Variants in TMEM132C observed in about 807,000 individuals in gnomAD.
TMEM132C encodes protein phosphatase 1, regulatory subunit 152.
Under a neutral mutation model 61.4 loss-of-function variants are expected in TMEM132C, and 29 were observed. The observed-to-expected ratio is 0.47, with a 90% CI of 0.35 to 0.64. TMEM132C has a LOEUF of 0.64. Among genes scored for constraint, TMEM132C ranks in the 30% least tolerant of loss-of-function variants. The probability of loss-of-function intolerance (pLI) is 0.00; values close to 1 mark genes in which losing one functional copy is unlikely to be tolerated. For missense variants in TMEM132C, 1,408 were observed against 1,476.9 expected, an observed-to-expected ratio of 0.95 and a Z score of 0.76; for synonymous variants, 656 against 633.1, an observed-to-expected ratio of 1.04 and a Z score of -0.54.
chr12:128,527,162 G>A (rs906768125), intron 2 of TMEM132C, among the ~76,000 whole-genome samples: 1 of 152,146 alleles, frequency 6.6e-6, no homozygotes, highest in Non-Finnish European at 1.5e-5. Context: ...TGCAAGAATT[G>A]GAAAGCAACC....
intron 1 of TMEM132C, among the ~76,000 whole-genome samples, chr12:128,411,613 G>A (rs562499499): frequency 3.9e-5 from 6 of 152,156 alleles, no homozygotes; most frequent in African/African-American, 1.4e-4. Flanking sequence ...TCTTGTACTA[G>A]GAATGAGACA....
intron 3 of TMEM132C, among the ~76,000 whole-genome samples, chr12:128,583,718 G>A (rs1311441324): frequency 6.6e-6 from 1 of 152,184 alleles, no homozygotes; most frequent in African/African-American, 2.4e-5. Context: ...CCCCCAGATG[G>A]AGGCCCAGTG....
At chr12:128,294,025 G>GA (rs752317749) in intron 1 of TMEM132C, 2 of 154,700 alleles carry the variant, frequency 1.3e-5, no homozygotes, top group African/African-American at 2.4e-5. Context: ...GGGGGAATCA[G>GA]AATGGAATAA....
At chr12:128,358,668 G>T (rs1380233247) in intron 1 of TMEM132C, among the ~76,000 whole-genome samples, 1 of 152,070 alleles carries the variant, frequency 6.6e-6, no homozygotes, top group African/African-American at 2.4e-5. Context: ...TATGCCTTAA[G>T]GTGAGACCTT....
At chr12:128,333,468 G>A (rs1169002427) in intron 1 of TMEM132C, among the ~76,000 whole-genome samples, 1 of 151,530 alleles carries the variant, frequency 6.6e-6, no homozygotes, top group Non-Finnish European at 1.5e-5. Flanking sequence ...GCTTGTATTT[G>A]AGAGTGGTGT....
At chr12:128,551,924 C>T (rs1874188560) in intron 3 of TMEM132C, among the ~76,000 whole-genome samples, 1 of 152,198 alleles carries the variant, frequency 6.6e-6, no homozygotes, top group Non-Finnish European at 1.5e-5. Flanking sequence ...ATAAAGGTTT[C>T]TGCCTCAAGC....
rs1363726356 is a variant in TMEM132C at position 128,595,989 on chromosome 12, A to T, written c.1122-20163A>T. On this transcript the variant is annotated intron_variant, in intron 3 of 8. Coordinates refer to ENST00000435159, the MANE Select transcript of TMEM132C (RefSeq NM_001136103.3). Reference sequence around the variant, plus strand: ...TGCGGGGAAGCTCTGCAGTGAGAACATCCACTCTATCAGGGCCAGCCGCCC... The same window carrying T: ...TGCGGGGAAGCTCTGCAGTGAGAACTTCCACTCTATCAGGGCCAGCCGCCC... Among the ~76,000 whole-genome samples the T allele has an allele frequency of 3.3e-5, 5 of 152,338 alleles. 1 individual carries two copies. The highest frequency in any genetic ancestry group is 4.4e-5 in the Non-Finnish European group (3 of 68,044).
At position 128,616,145 on chromosome 12, in the gene TMEM132C, C is replaced by T. The variant is rs1876791164; in HGVS notation, c.1122-7C>T. The T allele has an allele frequency of 6.4e-7, 1 of 1,550,398 alleles. No homozygotes were observed. Among genetic ancestry groups the T allele is most frequent in the Non-Finnish European group, 8.7e-7 (1 of 1,146,210 alleles). Reference sequence around the variant, plus strand: ...GGCTTAAAGCCAGTTTCTTTTCTCTCTTCCAGGAGCAGCAGTTTATTCAAT... The same window carrying T: ...GGCTTAAAGCCAGTTTCTTTTCTCTTTTCCAGGAGCAGCAGTTTATTCAAT... On this transcript the variant is annotated splice_region_variant and splice_polypyrimidine_tract_variant and intron_variant, in intron 3 of 8. Transcript: ENST00000435159.
chr12:128,446,864 G>T (rs965387301), intron 2 of TMEM132C, among the ~76,000 whole-genome samples: 2 of 152,162 alleles, frequency 1.3e-5, no homozygotes, highest in Non-Finnish European at 2.9e-5. Context: ...TGGTTTCATT[G>T]CTGCATAGAC....
At chr12:128,584,218 C>T (rs1875456923) in intron 3 of TMEM132C, among the ~76,000 whole-genome samples, 1 of 152,156 alleles carries the variant, frequency 6.6e-6, no homozygotes, top group Non-Finnish European at 1.5e-5. Context: ...GTCCCCTGAC[C>T]TTTGTTGGCC....
rs188222929 is a variant in TMEM132C at position 128,653,101 on chromosome 12, G to A, written c.1306-16316G>A. On this transcript the variant is annotated intron_variant, in intron 4 of 8. Transcript: ENST00000435159. ...ATAGAATATTATCAGGCCATTAAAA[G>A]GAAGGAAGGACCAATCCATGCTACC... Among the ~76,000 whole-genome samples the A allele has an allele frequency of 2.9e-3, 446 of 152,306 alleles. 1 individual carries two copies. Among genetic ancestry groups the A allele is most frequent in the Non-Finnish European group, 4.7e-3 (322 of 68,034 alleles).
At chr12:128,330,488 G>A (rs1439636401) in intron 1 of TMEM132C, among the ~76,000 whole-genome samples, 2 of 152,176 alleles carry the variant, frequency 1.3e-5, no homozygotes, top group African/African-American at 4.8e-5. Flanking sequence ...AGGAGTCCAA[G>A]GCTGCAATGA....
chr12:128,551,766 C>T (rs1052067120), intron 3 of TMEM132C, among the ~76,000 whole-genome samples: 6 of 152,172 alleles, frequency 3.9e-5, no homozygotes, highest in African/African-American at 1.4e-4. Flanking sequence ...CTCCTTTCCT[C>T]GGTCTGCATC....
rs571960694 is a variant in TMEM132C, at chr12:128,481,388, G to A, written c.975-62569G>A. Among the ~76,000 whole-genome samples, 17 of 152,274 alleles carry A rather than the reference G, an allele frequency of 1.1e-4. No homozygotes were observed. The East Asian group carries it at 1.4e-3, about 12-fold the overall frequency. ...ATGGGGACAGGACGTCCACCAGGCC[G>A]GACGGCTTTGGGGCCACGGCTCTTC... is the stretch of plus-strand genomic sequence containing the variant. On this transcript the variant is annotated intron_variant, in intron 2 of 8. Coordinates refer to ENST00000435159, the MANE Select transcript of TMEM132C (RefSeq NM_001136103.3).
chr12:128,532,962 A>G (rs1873372408), intron 2 of TMEM132C, among the ~76,000 whole-genome samples: 1 of 152,154 alleles, frequency 6.6e-6, no homozygotes, highest in Admixed American at 6.5e-5. Flanking sequence ...AATACTGAAA[A>G]CCCACAGCCC....
At chr12:128,435,106 G>A (rs1593052102) in intron 2 of TMEM132C, among the ~76,000 whole-genome samples, 1 of 152,130 alleles carries the variant, frequency 6.6e-6, no homozygotes, top group East Asian at 1.9e-4. Context: ...GGCAGAGATT[G>A]GTAATGTCAC....
intron 2 of TMEM132C, among the ~76,000 whole-genome samples, chr12:128,489,323 A>G (rs184571040): frequency 7.2e-5 from 11 of 151,832 alleles, no homozygotes; most frequent in Admixed American, 7.2e-4. Context: ...CTTGCCCACC[A>G]TGCTCATGTT....
chr12:128,502,955 C>T (rs1487534954), intron 2 of TMEM132C, among the ~76,000 whole-genome samples: 1 of 152,220 alleles, frequency 6.6e-6, no homozygotes, highest in Non-Finnish European at 1.5e-5. Context: ...TTTAACCAGT[C>T]ACAAAGCATT....
chr12:128,531,789 C>T (rs1873316779), intron 2 of TMEM132C, among the ~76,000 whole-genome samples: 1 of 151,562 alleles, frequency 6.6e-6, no homozygotes, highest in African/African-American at 2.4e-5. Flanking sequence ...GGGGATGGCA[C>T]AAGGGGTCAG....
Sources: gnomAD v4.1 joint callset for allele counts (sites outside exome capture counted in the v4.1 genomes callset) on GRCh38, gnomAD v4.1.1 for gene constraint, MANE v1.5 for transcripts, NCBI Gene and HGNC (gene_info 2026-07-23, HGNC 2026-07-21) for gene names.